The following MARCHF3 variants were observed in gnomAD, a reference collection of about 807,000 sequenced individuals.
The protein encoded by MARCHF3 is E3 ubiquitin-protein ligase MARCHF3.
MARCHF3 carries 13 observed loss-of-function variants against 24.2 expected under a neutral mutation model. The ratio of observed to expected loss-of-function variants is 0.54; its 90% CI spans 0.35 to 0.85. The LOEUF (loss-of-function observed/expected upper bound fraction) is 0.85. Among genes scored for constraint, MARCHF3 ranks in the 40% least tolerant of loss-of-function variants. The pLI is 0.01. For synonymous variants in MARCHF3, 144 were observed against 137.3 expected (o/e 1.05, Z -0.34); for missense variants, 276 against 325.0 (o/e 0.85, Z 1.16).
intron 1 of MARCHF3, 119 bp downstream of exon 1, chr5:127,030,231 T>G (rs1346134903): frequency 6.6e-6 from 1 of 151,794 alleles, no homozygotes; most frequent in Non-Finnish European, 1.5e-5. Flanking sequence ...AGCCCTGACC[T>G]CCCCACAGCG....
chr5:127,022,633 C>CGTCCCTTGA (rs1271724330), intron 1 of MARCHF3, among the ~76,000 whole-genome samples: 5 of 152,192 alleles, frequency 3.3e-5, no homozygotes, highest in Admixed American at 3.3e-4. Flanking sequence ...TCATCTGGAA[C>CGTCCCTTGA]GTCCCTTGAG....
At chr5:127,030,176 A>G (rs1753134394) in intron 1 of MARCHF3, 174 bp downstream of exon 1, 1 of 152,176 alleles carries the variant, frequency 6.6e-6, no homozygotes, top group Non-Finnish European at 1.5e-5. Flanking sequence ...CTTTGACAAG[A>G]AGAAGTTCGG....
At chr5:126,930,969 T>C (rs1387773277) in intron 1 of MARCHF3, among the ~76,000 whole-genome samples, 1 of 152,238 alleles carries the variant, frequency 6.6e-6, no homozygotes, top group African/African-American at 2.4e-5. Flanking sequence ...TCTGTCCACA[T>C]ACTTTGAGAG....
At chr5:127,006,773 T>C (rs1341308563) in intron 1 of MARCHF3, among the ~76,000 whole-genome samples, 1 of 152,244 alleles carries the variant, frequency 6.6e-6, no homozygotes, top group Non-Finnish European at 1.5e-5. Flanking sequence ...ATTTACTACA[T>C]AGTATTATAT....
chr5:126,957,629 T>C (rs977121807), intron 1 of MARCHF3, among the ~76,000 whole-genome samples: 1 of 152,172 alleles, frequency 6.6e-6, no homozygotes, highest in African/African-American at 2.4e-5. Context: ...TAAATTCTTA[T>C]ACATACTTGA....
chr5:126,895,825 T>C (rs1753869410), intron 3 of MARCHF3, among the ~76,000 whole-genome samples: 1 of 152,174 alleles, frequency 6.6e-6, no homozygotes, highest in Non-Finnish European at 1.5e-5. Flanking sequence ...CTCCCTGAGC[T>C]GTGGTGGGCT....
chr5:126,885,017 C>G (rs74837807), intron 3 of MARCHF3, among the ~76,000 whole-genome samples: 4 of 152,104 alleles, frequency 2.6e-5, no homozygotes, highest in Admixed American at 6.6e-5. Flanking sequence ...TCAGCCTTTG[C>G]GCATATTCTT....
intron 1 of MARCHF3, among the ~76,000 whole-genome samples, chr5:126,945,761 G>C (rs1036418851): frequency 3.9e-5 from 6 of 152,208 alleles, no homozygotes; most frequent in Admixed American, 3.9e-4. Flanking sequence ...CTGGGTGACA[G>C]CAGGTGCACT....
intron 3 of MARCHF3, among the ~76,000 whole-genome samples, chr5:126,907,904 T>G (rs1754361294): frequency 6.6e-6 from 1 of 152,150 alleles, no homozygotes; most frequent in South Asian, 2.1e-4. Flanking sequence ...TGATGCAGTT[T>G]CTTCCTAGTC....
Position 126,956,666 on chromosome 5 carries a change from A to C in MARCHF3, c.-56-38439T>G, listed in dbSNP as rs1293148568. On this transcript the variant is annotated intron_variant, in intron 1 of 4. Coordinates refer to ENST00000308660, the MANE Select transcript of MARCHF3 (RefSeq NM_178450.5). ...TCTCCAAAAAAAAAAAAAAAAAAAA[A>C]AAAAACCAAAAAAACAACAACAAAA... is the stretch of plus-strand genomic sequence containing the variant. 7.3e-4 allele frequency among the ~76,000 whole-genome samples: 106 copies of C among 145,774 alleles called. 2 individuals are homozygous for C. The highest frequency in any genetic ancestry group is 2.8e-3 in the African/African-American group (102 of 36,798).
At chr5:127,028,562 GTTT>G (rs796894152) in intron 1 of MARCHF3, among the ~76,000 whole-genome samples, 3 of 138,540 alleles carry the variant, frequency 2.2e-5, no homozygotes, top group Admixed American at 1.4e-4. Flanking sequence ...ATTAAGGTAG[GTTT>G]TTTTTTTTTT....
At chr5:127,005,909 T>C (rs570175904) in intron 1 of MARCHF3, among the ~76,000 whole-genome samples, 1 of 152,198 alleles carries the variant, frequency 6.6e-6, no homozygotes, top group East Asian at 1.9e-4. Context: ...AACCATACTT[T>C]AAAAGATTTT....
chr5:126,892,095 T>C (rs1412124263), intron 3 of MARCHF3, among the ~76,000 whole-genome samples: 2 of 151,766 alleles, frequency 1.3e-5, no homozygotes, highest in African/African-American at 2.4e-5. Context: ...TGTTTGTCTG[T>C]TGCTGGTGTG....
chr5:126,998,563 C>G (rs150851775), intron 1 of MARCHF3, among the ~76,000 whole-genome samples: 13 of 152,252 alleles, frequency 8.5e-5, no homozygotes, highest in South Asian at 2.1e-4. Context: ...CAGGTGGAGA[C>G]AGCTGCAAAT....
chr5:126,968,438 T>C (rs1750890184), intron 1 of MARCHF3, among the ~76,000 whole-genome samples: 1 of 152,266 alleles, frequency 6.6e-6, no homozygotes, highest in South Asian at 2.1e-4. Flanking sequence ...TCTTAGTGGA[T>C]GTGAAATGGC....
rs552245463 is a variant in MARCHF3, at chr5:127,002,687, G to C, written c.-57+27663C>G. Among the ~76,000 whole-genome samples, 4 of 152,332 alleles carry C rather than the reference G, an allele frequency of 2.6e-5. No individual in the cohort carries two copies. The South Asian group carries it at 8.3e-4, about 32-fold the overall frequency. ...AAAACTGTCAACAAGCCATTTTCCAGAGCCTGGACAACTTTGTCCTCTGGT... is the reference window on the plus strand; with the variant it reads ...AAAACTGTCAACAAGCCATTTTCCACAGCCTGGACAACTTTGTCCTCTGGT... On this transcript the variant is annotated intron_variant, in intron 1 of 4. Coordinates refer to ENST00000308660, the MANE Select transcript of MARCHF3 (RefSeq NM_178450.5).
At chr5:126,907,183 C>T (rs376979710) in intron 3 of MARCHF3, among the ~76,000 whole-genome samples, 2 of 149,840 alleles carry the variant, frequency 1.3e-5, no homozygotes, top group African/African-American at 2.5e-5. Context: ...GTCTGAGAGA[C>T]AGTTTGTTAT....
At chr5:126,964,228 C>A (rs989699948) in intron 1 of MARCHF3, among the ~76,000 whole-genome samples, 1 of 152,208 alleles carries the variant, frequency 6.6e-6, no homozygotes, top group African/African-American at 2.4e-5. Flanking sequence ...ACACAGCACA[C>A]ACAAAGGTGA....
chr5:126,947,078 T>C (rs185622304), intron 1 of MARCHF3, among the ~76,000 whole-genome samples: 2 of 152,302 alleles, frequency 1.3e-5, no homozygotes, highest in East Asian at 3.9e-4. Flanking sequence ...TCCTTTTCAA[T>C]TTAAAAAATG....
Sources: allele counts gnomAD v4.1 joint callset (sites outside exome capture counted in the v4.1 genomes callset), GRCh38; gene constraint gnomAD v4.1.1; transcripts MANE v1.5; gene names NCBI Gene and HGNC (gene_info 2026-07-23, HGNC 2026-07-21).